The following LRP1B variants were observed in gnomAD, a reference collection of about 807,000 sequenced individuals.
LRP1B encodes the protein LDL receptor related protein 1B, also known as low-density lipoprotein receptor-related protein 1B.
In LRP1B, 217 loss-of-function variants were observed where a neutral mutation model predicts 556.6. The ratio of observed to expected loss-of-function variants is 0.39; its 90% CI spans 0.35 to 0.44. LRP1B has a LOEUF of 0.44. LRP1B is among the 20% of genes least tolerant of loss of function. LRP1B has a pLI of 1.00. For missense variants in LRP1B, 5,053 were observed against 5,620.8 expected (o/e 0.90, Z 3.23); for synonymous variants, 2,047 against 1,865.8 (o/e 1.10, Z -2.50).
chr2:141,373,605 T>TA (rs1689316915), intron 3 of LRP1B, among the ~76,000 whole-genome samples: 1 of 151,910 alleles, frequency 6.6e-6, no homozygotes, highest in African/African-American at 2.4e-5. Context: ...ACCTTTTTTT[T>TA]AACTGTGTTT....
intron 7 of LRP1B, among the ~76,000 whole-genome samples, chr2:141,139,650 T>C (rs566275901): frequency 1.3e-5 from 2 of 152,034 alleles, no homozygotes; most frequent in East Asian, 3.9e-4. Context: ...TGCAATACAA[T>C]TACATATCTA....
At chr2:140,585,263 C>T (rs777535565) in intron 43 of LRP1B, among the ~76,000 whole-genome samples, 3 of 152,056 alleles carry the variant, frequency 2.0e-5, no homozygotes, top group Non-Finnish European at 4.4e-5. Context: ...TCCTATGAGG[C>T]ATAAACTATT....
chr2:140,839,835 C>T (rs1461614179), intron 31 of LRP1B, among the ~76,000 whole-genome samples, 156 bp downstream of exon 31: 5 of 152,160 alleles, frequency 3.3e-5, no homozygotes, highest in African/African-American at 1.2e-4. Context: ...ATAAACCTAA[C>T]AGAAACCCAA....
chr2:140,831,900 A>C (rs1367027477), intron 31 of LRP1B, among the ~76,000 whole-genome samples: 1 of 152,222 alleles, frequency 6.6e-6, no homozygotes, highest in Non-Finnish European at 1.5e-5. Context: ...ACAATTGGCC[A>C]ACAGATATAT....
intron 1 of LRP1B, among the ~76,000 whole-genome samples, chr2:141,832,463 T>C (rs1697145628): frequency 6.6e-6 from 1 of 151,580 alleles, no homozygotes; most frequent in South Asian, 2.1e-4. Context: ...TTCACAAACA[T>C]ACCTATTTTC....
chr2:141,669,868 C>T (rs1457370064), intron 2 of LRP1B, among the ~76,000 whole-genome samples: 2 of 152,086 alleles, frequency 1.3e-5, no homozygotes, highest in African/African-American at 4.8e-5. Flanking sequence ...GATTCTCTTG[C>T]CTCAGCCTCC....
intron 2 of LRP1B, among the ~76,000 whole-genome samples, chr2:141,646,820 T>C (rs1439605168): frequency 6.6e-6 from 1 of 152,144 alleles, no homozygotes; most frequent in African/African-American, 2.4e-5. Context: ...AGAAGAACCA[T>C]CTCTATAAGA....
At chr2:141,917,764 T>C (rs1486861282) in intron 1 of LRP1B, among the ~76,000 whole-genome samples, 6 of 152,190 alleles carry the variant, frequency 3.9e-5, no homozygotes, top group African/African-American at 7.2e-5. Flanking sequence ...AATTATGTAA[T>C]TTACTTGCTT....
At chr2:141,815,378 T>C (rs1461648993) in intron 1 of LRP1B, among the ~76,000 whole-genome samples, 1 of 152,154 alleles carries the variant, frequency 6.6e-6, no homozygotes, top group African/African-American at 2.4e-5. Context: ...AGAACTTTTC[T>C]GTCGTACAAG....
At chr2:141,293,220 A>G (rs2105413661) in intron 3 of LRP1B, among the ~76,000 whole-genome samples, 1 of 152,314 alleles carries the variant, frequency 6.6e-6, no homozygotes, top group Non-Finnish European at 1.5e-5. Context: ...ACAATAGAAA[A>G]GGAGAATGAC....
At chr2:141,523,350 A>G (rs1400547844) in intron 2 of LRP1B, among the ~76,000 whole-genome samples, 5 of 152,122 alleles carry the variant, frequency 3.3e-5, no homozygotes, top group African/African-American at 1.2e-4. Context: ...ATGCTGCTTG[A>G]GATCACATCT....
At chr2:141,913,754 A>G (rs1038115076) in intron 1 of LRP1B, among the ~76,000 whole-genome samples, 3 of 148,844 alleles carry the variant, frequency 2.0e-5, no homozygotes, top group African/African-American at 7.4e-5. Flanking sequence ...ACCCTCCTAC[A>G]TTTTTTTTTT....
At chr2:140,732,617 A>T (rs974838165) in intron 35 of LRP1B, among the ~76,000 whole-genome samples, 4 of 152,140 alleles carry the variant, frequency 2.6e-5, no homozygotes, top group Non-Finnish European at 5.9e-5. Context: ...CAAGCAACAG[A>T]TGTTTTTCAC....
intron 7 of LRP1B, among the ~76,000 whole-genome samples, chr2:141,123,362 C>T (rs895486957): frequency 4.6e-5 from 7 of 151,710 alleles, no homozygotes; most frequent in South Asian, 2.1e-4. Context: ...CTAGATTTGG[C>T]CTCTTTTAAG....
At chr2:140,664,759 C>T (rs918885364) in intron 41 of LRP1B, among the ~76,000 whole-genome samples, 19 of 151,864 alleles carry the variant, frequency 1.3e-4, no homozygotes, top group African/African-American at 3.1e-4. Context: ...TTATATCCAA[C>T]GTTCTTAAGT....
intron 2 of LRP1B, among the ~76,000 whole-genome samples, chr2:141,511,934 C>A (rs1684145448): frequency 6.6e-6 from 1 of 152,104 alleles, no homozygotes; most frequent in African/African-American, 2.4e-5. Context: ...CCTAGTAAGT[C>A]ATAAATTAAT....
At chr2:141,953,558 T>C (rs984044935) in intron 1 of LRP1B, among the ~76,000 whole-genome samples, 2 of 152,134 alleles carry the variant, frequency 1.3e-5, no homozygotes, top group African/African-American at 4.8e-5. Flanking sequence ...GTGGGATTTT[T>C]ACTTTGTGAG....
intron 7 of LRP1B, among the ~76,000 whole-genome samples, chr2:141,117,109 A>G (rs10084341): frequency 1.3e-5 from 2 of 150,166 alleles, no homozygotes; most frequent in African/African-American, 4.9e-5. Flanking sequence ...CTTTTCATTT[A>G]TCATTGACTT....
intron 7 of LRP1B, among the ~76,000 whole-genome samples, chr2:141,116,504 A>G (rs941424916): frequency 6.6e-6 from 1 of 152,156 alleles, no homozygotes; most frequent in Non-Finnish European, 1.5e-5. Flanking sequence ...AATGAGGCTT[A>G]TCCAGTCATG....
Sources: gnomAD v4.1 joint callset for allele counts (sites outside exome capture counted in the v4.1 genomes callset) on GRCh38, gnomAD v4.1.1 for gene constraint, MANE v1.5 for transcripts, NCBI Gene and HGNC (gene_info 2026-07-23, HGNC 2026-07-21) for gene names.